LINGO2: variants seen among roughly 807,000 people sequenced by gnomAD.
LINGO2 encodes the protein leucine rich repeat and Ig domain containing 2.
LINGO2 carries 14 observed loss-of-function variants against 30.6 expected under a neutral mutation model. That is an observed-to-expected ratio of 0.46 (90% CI 0.30 to 0.72). LINGO2 has a LOEUF of 0.72. LINGO2 is among the 30% of genes least tolerant of loss of function. The pLI is 0.07. For missense variants in LINGO2, 729 were observed against 751.7 expected, an observed-to-expected ratio of 0.97 and a Z score of 0.35; for synonymous variants, 317 against 288.5, an observed-to-expected ratio of 1.10 and a Z score of -1.00.
At chr9:28,727,106 A>C in the LINGO2 span, among the ~76,000 whole-genome samples, 1 of 152,150 alleles carries the variant, frequency 6.6e-6, no homozygotes, top group African/African-American at 2.4e-5. Context: ...AATCACACAC[A>C]CACTAACATA....
intron 1 of LINGO2, among the ~76,000 whole-genome samples, chr9:28,636,078 G>C (rs1827254981): frequency 1.3e-5 from 2 of 151,994 alleles, no homozygotes; most frequent in Non-Finnish European, 2.9e-5. Flanking sequence ...TGCAGTCTTT[G>C]GTTTTCTGTC....
intron 3 of LINGO2, among the ~76,000 whole-genome samples, chr9:28,339,868 A>G (rs1825710389): frequency 6.6e-6 from 1 of 152,126 alleles, no homozygotes; most frequent in East Asian, 1.9e-4. Flanking sequence ...AACTCTGTTG[A>G]TTGGAGCCCC....
chr9:28,908,340 T>G, the LINGO2 span, among the ~76,000 whole-genome samples: 1 of 151,870 alleles, frequency 6.6e-6, no homozygotes, highest in East Asian at 1.9e-4. Context: ...AATTTTATTT[T>G]ATTGTAGTGG....
the LINGO2 span, among the ~76,000 whole-genome samples, chr9:28,983,318 CA>C: frequency 0.62 from 81,693 of 130,824 alleles, 24,566 homozygotes; most frequent in Middle Eastern, 0.69. Flanking sequence ...ATGAGGTATC[CA>C]AAAAAAAAAA....
At position 28,130,291 on chromosome 9, in the gene LINGO2, T is replaced by C. The variant is rs182459510; in HGVS notation, c.-86-117886A>G. 7.2e-4 allele frequency among the ~76,000 whole-genome samples: 109 copies of C among 152,338 alleles called. No individual in the cohort carries two copies. The highest frequency in any genetic ancestry group is 1.2e-3 in the South Asian group (6 of 4,832). On this transcript the variant is annotated intron_variant, in intron 4 of 5. Coordinates refer to ENST00000379992, the Ensembl canonical transcript of LINGO2. The surrounding 1 kb of genome is among the most constrained non-coding windows in gnomAD (Gnocchi z 5.2). ...ATTTGTTCTGCTATGACTGTATTAG[T>C]TTTGGATTCAAAAAGGTTAGCCACT... is the stretch of plus-strand genomic sequence containing the variant.
rs142026836 is a variant in LINGO2, at chr9:28,344,451, T to C, written c.-246+28385A>G. 7.4e-4 allele frequency among the ~76,000 whole-genome samples: 113 copies of C among 152,268 alleles called. 1 individual carries two copies. The highest frequency in any genetic ancestry group is 2.5e-3 in the African/African-American group (104 of 41,578). ...AACTGTATATAACTGTAAAACAGTA[T>C]AAAATCATGTTTGTGAAAATAAGTA... On this transcript the variant is annotated intron_variant, in intron 3 of 5. Coordinates refer to ENST00000379992, the Ensembl canonical transcript of LINGO2.
the LINGO2 span, among the ~76,000 whole-genome samples, chr9:28,799,686 GT>G: frequency 6.6e-6 from 1 of 152,098 alleles, no homozygotes; most frequent in Non-Finnish European, 1.5e-5. Context: ...CATTTATAAA[GT>G]AGAAGTAGTA....
the LINGO2 span, among the ~76,000 whole-genome samples, chr9:29,213,258 G>A: frequency 6.6e-6 from 1 of 152,196 alleles, no homozygotes; most frequent in Admixed American, 6.5e-5. Flanking sequence ...TCTCAGTTGC[G>A]GCCGCTCCTC....
At chr9:28,897,693 A>G in the LINGO2 span, among the ~76,000 whole-genome samples, 1 of 152,144 alleles carries the variant, frequency 6.6e-6, no homozygotes, top group Non-Finnish European at 1.5e-5. Context: ...AATTGTATCT[A>G]TATCACAGGG....
At chr9:28,340,193 T>C (rs1255257901) in intron 3 of LINGO2, among the ~76,000 whole-genome samples, 1 of 152,220 alleles carries the variant, frequency 6.6e-6, no homozygotes, top group African/African-American at 2.4e-5. Flanking sequence ...ATGTAATTTA[T>C]CTGGGTCTCA....
the LINGO2 span, among the ~76,000 whole-genome samples, chr9:29,115,188 A>G: frequency 6.6e-6 from 1 of 152,094 alleles, no homozygotes; most frequent in African/African-American, 2.4e-5. Flanking sequence ...AAAAAATGAG[A>G]AAATACAAGC....
chr9:28,647,088 C>T (rs1467595328), intron 1 of LINGO2, among the ~76,000 whole-genome samples: 1 of 152,072 alleles, frequency 6.6e-6, no homozygotes, highest in African/African-American at 2.4e-5. Flanking sequence ...TTTGAAACAG[C>T]CTTTGCCACT....
chr9:28,580,362 T>C (rs1824198591), intron 1 of LINGO2, among the ~76,000 whole-genome samples: 1 of 152,082 alleles, frequency 6.6e-6, no homozygotes, highest in Non-Finnish European at 1.5e-5. Context: ...CCCAGCACAG[T>C]GGTTTTAAGG....
chr9:28,973,548 C>T, the LINGO2 span, among the ~76,000 whole-genome samples: 1 of 152,162 alleles, frequency 6.6e-6, no homozygotes, highest in South Asian at 2.1e-4. Flanking sequence ...AATGGCAGTT[C>T]CCTTGCATAA....
At chr9:28,221,596 A>G (rs1564055164) in intron 4 of LINGO2, among the ~76,000 whole-genome samples, 2 of 152,164 alleles carry the variant, frequency 1.3e-5, no homozygotes, top group African/African-American at 2.4e-5. Flanking sequence ...GAGATATTAA[A>G]CTTTCCAATT....
chr9:28,992,321 C>T, the LINGO2 span, among the ~76,000 whole-genome samples: 3 of 152,134 alleles, frequency 2.0e-5, no homozygotes, highest in Admixed American at 1.3e-4. Context: ...GCTAACTATC[C>T]TAAATATATA....
chr9:28,825,565 C>G, the LINGO2 span, among the ~76,000 whole-genome samples: 616 of 42,258 alleles, frequency 0.015, 6 homozygotes, highest in Non-Finnish European at 0.046. Flanking sequence ...TCATTTGTAT[C>G]TGGTTTTTTT....
Position 28,529,320 on chromosome 9 carries a change from G to T in LINGO2, c.-364-53295C>A, listed in dbSNP as rs1587811200. Among the ~76,000 whole-genome samples, 3 of 152,216 alleles carry T rather than the reference G, an allele frequency of 2.0e-5. No homozygotes were observed. The East Asian group carries it at 5.8e-4, about 29-fold the overall frequency. On this transcript the variant is annotated intron_variant, in intron 1 of 5. Coordinates refer to ENST00000379992, the Ensembl canonical transcript of LINGO2. ...AATTTATATTCTTCTCCATACTAGA[G>T]ATTACTTAACTATTTAAGGCTCAGT...
chr9:28,344,519 AG>A (rs1165290285), intron 3 of LINGO2, among the ~76,000 whole-genome samples: 1 of 152,142 alleles, frequency 6.6e-6, no homozygotes, highest in Non-Finnish European at 1.5e-5. Flanking sequence ...TAGGACAAAA[AG>A]TATCTGGGTA....
Sources: gnomAD v4.1 joint callset for allele counts (sites outside exome capture counted in the v4.1 genomes callset) on GRCh38, gnomAD v4.1.1 for gene constraint, Gnocchi (gnomAD v3.1) non-coding constraint, MANE v1.5 for transcripts, NCBI Gene and HGNC (gene_info 2026-07-23, HGNC 2026-07-21) for gene names.